Variants in NRXN3 observed in about 807,000 individuals in gnomAD.
NRXN3 encodes the protein neurexin 3, also known as neurexin III.
NRXN3 carries 32 observed loss-of-function variants against 137.6 expected under a neutral mutation model. The observed-to-expected ratio is 0.23, with a 90% CI of 0.18 to 0.31. The LOEUF is 0.31. Among genes scored for constraint, NRXN3 ranks in the 10% least tolerant of loss-of-function variants. The pLI, the probability that NRXN3 is intolerant of heterozygous loss-of-function variation, is 1.00. For missense variants in NRXN3, 1,574 were observed against 2,062.5 expected, an observed-to-expected ratio of 0.76 and a Z score of 4.59; for synonymous variants, 798 against 784.5, an observed-to-expected ratio of 1.02 and a Z score of -0.29.
intron 15 of NRXN3, among the ~76,000 whole-genome samples, chr14:79,405,014 C>A (rs1202305426): frequency 2.0e-5 from 3 of 152,070 alleles, no homozygotes. Context: ...TGATCAAGTT[C>A]ATAGCAATTT....
intron 10 of NRXN3, among the ~76,000 whole-genome samples, chr14:78,940,342 G>T (rs890543960): frequency 6.6e-6 from 1 of 152,096 alleles, no homozygotes. Context: ...ACCCAAATGT[G>T]CATGTATATA....
chr14:78,491,365 G>A (rs2095664668), intron 4 of NRXN3, among the ~76,000 whole-genome samples: 1 of 152,190 alleles, frequency 6.6e-6, no homozygotes, highest in Admixed American at 6.5e-5. Flanking sequence ...GGCCAATGAT[G>A]TCCAGAGGGA....
chr14:79,718,443 A>G (rs1209328565), intron 19 of NRXN3, among the ~76,000 whole-genome samples: 1 of 152,232 alleles, frequency 6.6e-6, no homozygotes, highest in African/African-American at 2.4e-5. Context: ...ATTAGAACGT[A>G]CTAAGTAAAG....
At chr14:79,715,431 T>A (rs1021790764) in intron 19 of NRXN3, among the ~76,000 whole-genome samples, 1 of 152,166 alleles carries the variant, frequency 6.6e-6, no homozygotes. Context: ...GGCAAACCTA[T>A]ATTTTGGGTT....
chr14:79,670,215 A>G (rs946918048), intron 17 of NRXN3, among the ~76,000 whole-genome samples: 3 of 152,040 alleles, frequency 2.0e-5, no homozygotes, highest in Non-Finnish European at 4.4e-5. Context: ...TGTGTTTTCT[A>G]CCATGTAAAC....
At chr14:78,542,879 G>A (rs2096604375) in intron 4 of NRXN3, among the ~76,000 whole-genome samples, 1 of 152,170 alleles carries the variant, frequency 6.6e-6, no homozygotes, top group East Asian at 1.9e-4. Flanking sequence ...CTGTTGGAGT[G>A]CTTGAGTTGG....
intron 10 of NRXN3, among the ~76,000 whole-genome samples, chr14:78,847,043 C>A (rs556249857): frequency 6.6e-6 from 1 of 152,222 alleles, no homozygotes; most frequent in South Asian, 2.1e-4. Flanking sequence ...CTCACTGTTG[C>A]TCAAGGCAGC....
chr14:79,410,758 C>T (rs562286377), intron 15 of NRXN3, among the ~76,000 whole-genome samples: 1 of 152,232 alleles, frequency 6.6e-6, no homozygotes, highest in Admixed American at 6.5e-5. Flanking sequence ...TTCATTCACT[C>T]ATTTTATGTA....
At chr14:78,539,404 A>C (rs573178476) in intron 4 of NRXN3, among the ~76,000 whole-genome samples, 1 of 152,206 alleles carries the variant, frequency 6.6e-6, no homozygotes, top group African/African-American at 2.4e-5. Flanking sequence ...ATTTGCATAG[A>C]GGTGTTTATA....
At chr14:79,347,344 T>C (rs2092937611) in intron 15 of NRXN3, among the ~76,000 whole-genome samples, 1 of 152,140 alleles carries the variant, frequency 6.6e-6, no homozygotes, top group South Asian at 2.1e-4. Context: ...TTAAACTGCC[T>C]GATAAAGTGA....
At chr14:79,752,032 T>A (rs1246553915) in intron 19 of NRXN3, among the ~76,000 whole-genome samples, 1 of 152,148 alleles carries the variant, frequency 6.6e-6, no homozygotes, top group African/African-American at 2.4e-5. Flanking sequence ...TCTAAAATTC[T>A]CTTTTTTGGT....
intron 10 of NRXN3, among the ~76,000 whole-genome samples, chr14:78,855,772 C>T (rs2099055380): frequency 6.6e-6 from 1 of 152,140 alleles, no homozygotes; most frequent in South Asian, 2.1e-4. Flanking sequence ...TGATTGTATA[C>T]CTTCCTAGAA....
chr14:78,714,738 T>A lies in NRXN3; in HGVS notation c.1661-18T>A, dbSNP rs1285976434. The A allele has an allele frequency of 6.2e-7, 1 of 1,606,364 alleles. No homozygotes were observed. The highest frequency in any genetic ancestry group is 1.3e-5 in the African/African-American group (1 of 74,808). Reference sequence around the variant, plus strand: ...AAGCAACTGGCAGACTCACCTGAGATCTGTCTTCCCACCCCAGGTACTATA... The same window carrying A: ...AAGCAACTGGCAGACTCACCTGAGAACTGTCTTCCCACCCCAGGTACTATA... On this transcript the variant is annotated intron_variant, in intron 7 of 20. Transcript: ENST00000335750.
intron 19 of NRXN3, among the ~76,000 whole-genome samples, chr14:79,776,556 G>T (rs1568214164): frequency 1.3e-5 from 2 of 152,186 alleles, no homozygotes; most frequent in Non-Finnish European, 2.9e-5. Context: ...ATATATTGGA[G>T]GTTGTCAGTG....
chr14:78,717,781 G>A (rs1012752127), intron 8 of NRXN3, among the ~76,000 whole-genome samples: 4 of 152,174 alleles, frequency 2.6e-5, no homozygotes, highest in Non-Finnish European at 5.9e-5. Flanking sequence ...ACTTGACACG[G>A]CCTTTACTTG....
chr14:79,181,063 T>C (rs1382400823), intron 15 of NRXN3, among the ~76,000 whole-genome samples: 1 of 136,044 alleles, frequency 7.4e-6, no homozygotes, highest in East Asian at 3.4e-4. Flanking sequence ...TGTGCATATA[T>C]ATATATATAT....
At chr14:79,127,622 T>C (rs945531079) in intron 15 of NRXN3, among the ~76,000 whole-genome samples, 13 of 152,228 alleles carry the variant, frequency 8.5e-5, no homozygotes, top group African/African-American at 2.9e-4. Context: ...TGCCTCCAGC[T>C]TTGTTCTTTT....
intron 19 of NRXN3, among the ~76,000 whole-genome samples, chr14:79,699,071 T>C (rs140281637): frequency 8.3e-4 from 127 of 152,114 alleles, no homozygotes; most frequent in Middle Eastern, 3.4e-3. Flanking sequence ...TGGAGTTATA[T>C]ATGCTGACAG....
intron 15 of NRXN3, among the ~76,000 whole-genome samples, chr14:79,243,827 C>T (rs564144915): frequency 6.6e-6 from 1 of 152,118 alleles, no homozygotes; most frequent in African/African-American, 2.4e-5. Flanking sequence ...TGCAGTTTAT[C>T]ATTGATGGAA....
Sources: allele counts gnomAD v4.1 joint callset (sites outside exome capture counted in the v4.1 genomes callset), GRCh38; gene constraint gnomAD v4.1.1; transcripts MANE v1.5; gene names NCBI Gene and HGNC (gene_info 2026-07-23, HGNC 2026-07-21).